Variants in NEGR1 observed in about 807,000 individuals in gnomAD.
The protein encoded by NEGR1 is neuronal growth regulator 1.
A neutral mutation model predicts 40.9 loss-of-function variants in NEGR1; 10 were observed. The ratio of observed to expected loss-of-function variants is 0.24; its 90% CI spans 0.15 to 0.42. The LOEUF is 0.42. Ranked by LOEUF, NEGR1 falls within the 10% of genes least tolerant of loss-of-function variation. The pLI is 1.00. For synonymous variants in NEGR1, 185 were observed against 166.8 expected (o/e 1.11, Z -0.84); for missense variants, 352 against 438.9 (o/e 0.80, Z 1.77).
chr1:71,460,195 C>T (rs1646704729), intron 6 of NEGR1, among the ~76,000 whole-genome samples: 2 of 152,282 alleles, frequency 1.3e-5, no homozygotes, highest in South Asian at 4.1e-4. Context: ...ATATCGTGAA[C>T]TGTGAATTGA....
intron 2 of NEGR1, among the ~76,000 whole-genome samples, chr1:71,843,622 A>G (rs1659314101): frequency 6.6e-6 from 1 of 152,140 alleles, no homozygotes; most frequent in Non-Finnish European, 1.5e-5. Context: ...GAGACAGTTG[A>G]TAACAATTGG....
chr1:71,809,811 A>T (rs943383377), intron 2 of NEGR1, among the ~76,000 whole-genome samples: 2 of 152,118 alleles, frequency 1.3e-5, no homozygotes, highest in Admixed American at 1.3e-4. Flanking sequence ...AAGTGACTCC[A>T]GTGTCACTTG....
intron 1 of NEGR1, among the ~76,000 whole-genome samples, chr1:72,182,780 A>G (rs11802350): frequency 4.2e-3 from 40 of 9,592 alleles, no homozygotes; most frequent in African/African-American, 0.011. Flanking sequence ...GTGCGTGTGT[A>G]TATATATATA....
chr1:71,815,472 T>G (rs1264020211), intron 2 of NEGR1, among the ~76,000 whole-genome samples: 2 of 152,102 alleles, frequency 1.3e-5, no homozygotes, highest in Non-Finnish European at 2.9e-5. Flanking sequence ...GTTAATTTTC[T>G]GTCTCAATTA....
At chr1:71,587,550 C>T (rs1649347378) in intron 6 of NEGR1, among the ~76,000 whole-genome samples, 1 of 152,016 alleles carries the variant, frequency 6.6e-6, no homozygotes, top group East Asian at 1.9e-4. Flanking sequence ...GCTGCTAAGG[C>T]AGGGAAAAGA....
At chr1:72,112,092 A>C (rs1429425905) in intron 1 of NEGR1, among the ~76,000 whole-genome samples, 1 of 151,832 alleles carries the variant, frequency 6.6e-6, no homozygotes, top group African/African-American at 2.4e-5. Context: ...GTGAAATTTT[A>C]AATTCATTTA....
At chr1:71,714,826 G>A (rs1654218468) in intron 3 of NEGR1, among the ~76,000 whole-genome samples, 1 of 152,144 alleles carries the variant, frequency 6.6e-6, no homozygotes, top group South Asian at 2.1e-4. Context: ...TAGTATCTGT[G>A]GCTTTTCCAG....
chr1:72,220,179 G>A (rs1337996428), intron 1 of NEGR1, among the ~76,000 whole-genome samples: 2 of 150,690 alleles, frequency 1.3e-5, no homozygotes, highest in African/African-American at 2.4e-5. Context: ...AGAAAAAAAT[G>A]AATACAATAA....
intron 1 of NEGR1, among the ~76,000 whole-genome samples, chr1:71,949,910 G>A (rs910602605): frequency 1.3e-5 from 2 of 151,890 alleles, no homozygotes; most frequent in African/African-American, 4.8e-5. Context: ...ATATAGTTTC[G>A]TTTTCTTTCC....
chr1:71,956,546 T>A (rs1162609779), intron 1 of NEGR1, among the ~76,000 whole-genome samples: 2 of 151,918 alleles, frequency 1.3e-5, no homozygotes, highest in Non-Finnish European at 2.9e-5. Flanking sequence ...ACCTGAGACA[T>A]TATTAGTAAA....
At chr1:71,825,076 T>A (rs1658572504) in intron 2 of NEGR1, among the ~76,000 whole-genome samples, 1 of 151,934 alleles carries the variant, frequency 6.6e-6, no homozygotes, top group African/African-American at 2.4e-5. Context: ...ACTACCAAAC[T>A]ATTCTCCAAA....
At chr1:71,536,878 A>G (rs1160029512) in intron 6 of NEGR1, among the ~76,000 whole-genome samples, 2 of 151,756 alleles carry the variant, frequency 1.3e-5, no homozygotes, top group Non-Finnish European at 2.9e-5. Context: ...CACTGACTTA[A>G]TATAGTCAAG....
chr1:71,792,503 T>C (rs1657154019), intron 2 of NEGR1, among the ~76,000 whole-genome samples: 2 of 152,174 alleles, frequency 1.3e-5, no homozygotes, highest in South Asian at 4.1e-4. Flanking sequence ...TTTATCTCTG[T>C]ATTGTTTTTC....
intron 2 of NEGR1, among the ~76,000 whole-genome samples, chr1:71,806,500 T>C (rs1657775975): frequency 6.7e-6 from 1 of 148,640 alleles, no homozygotes; most frequent in South Asian, 2.2e-4. Flanking sequence ...CTACCCACTA[T>C]TGTAAAAAAA....
chr1:71,763,377 T>G (rs947075480), intron 3 of NEGR1, among the ~76,000 whole-genome samples: 7 of 152,188 alleles, frequency 4.6e-5, no homozygotes, highest in African/African-American at 1.2e-4. Flanking sequence ...CTAGAGAAGA[T>G]CTGTTCATCT....
chr1:72,048,803 T>G, intron 1 of NEGR1, among the ~76,000 whole-genome samples: 1 of 151,678 alleles, frequency 6.6e-6, no homozygotes, highest in East Asian at 1.9e-4. Context: ...ACATTCTGAA[T>G]AATTAAGTCA....
chr1:71,883,526 A>C (rs1310215614), intron 2 of NEGR1, among the ~76,000 whole-genome samples: 1 of 152,192 alleles, frequency 6.6e-6, no homozygotes, highest in Non-Finnish European at 1.5e-5. Context: ...TGATAATTAC[A>C]GATTATTACA....
At chr1:71,746,341 C>A (rs889441565) in intron 3 of NEGR1, among the ~76,000 whole-genome samples, 14 of 152,050 alleles carry the variant, frequency 9.2e-5, no homozygotes, top group Non-Finnish European at 1.5e-4. Context: ...GGCAAGAGTT[C>A]AAGATTACCT....
At chr1:71,491,122 A>C (rs1480428206) in intron 6 of NEGR1, among the ~76,000 whole-genome samples, 1 of 151,998 alleles carries the variant, frequency 6.6e-6, no homozygotes, top group Non-Finnish European at 1.5e-5. Context: ...ATATTTAAAA[A>C]ATTGCACCTG....
Sources: allele counts gnomAD v4.1 joint callset (sites outside exome capture counted in the v4.1 genomes callset), GRCh38; gene constraint gnomAD v4.1.1; transcripts MANE v1.5; gene names NCBI Gene and HGNC (gene_info 2026-07-23, HGNC 2026-07-21).